Variants in GPC5 observed in about 807,000 individuals in gnomAD.
GPC5 encodes the protein glypican-5.
Under a neutral mutation model 53.9 loss-of-function variants are expected in GPC5, and 47 were observed. That is an observed-to-expected ratio of 0.87 (90% CI 0.69 to 1.11). The LOEUF (loss-of-function observed/expected upper bound fraction) is 1.11. Among genes scored for constraint, GPC5 ranks in the 50% most tolerant of loss-of-function variants. The pLI, the probability that GPC5 is intolerant of heterozygous loss-of-function variation, is 0.00. For synonymous variants in GPC5, 286 were observed against 263.3 expected, an observed-to-expected ratio of 1.09 and a Z score of -0.84; for missense variants, 748 against 713.1, an observed-to-expected ratio of 1.05 and a Z score of -0.56.
At chr13:92,412,335 C>A (rs1300396501) in intron 7 of GPC5, among the ~76,000 whole-genome samples, 5 of 152,092 alleles carry the variant, frequency 3.3e-5, no homozygotes, top group African/African-American at 1.2e-4. Flanking sequence ...GTAAAACAGA[C>A]AACCCTATGC....
rs189195907 is a variant in GPC5 at position 91,656,169 on chromosome 13, A to G, written c.326-37018A>G. On this transcript the variant is annotated intron_variant, in intron 2 of 7. Coordinates refer to ENST00000377067, the MANE Select transcript of GPC5 (RefSeq NM_004466.6). ...CTCTTTTTCCAAAAATAACAGAAAC[A>G]GAGGCAGCGTGGAGTAATTAAGGCA... Among the ~76,000 whole-genome samples the G allele has an allele frequency of 3.2e-3, 483 of 152,304 alleles. 2 individuals are homozygous for G. The highest frequency in any genetic ancestry group is 0.011 in the African/African-American group (460 of 41,576).
intron 3 of GPC5, among the ~76,000 whole-genome samples, chr13:91,704,184 G>A (rs2036050082): frequency 6.6e-6 from 1 of 152,128 alleles, no homozygotes; most frequent in South Asian, 2.1e-4. Context: ...AATGTTGGGT[G>A]CATACATATT....
chr13:91,794,388 A>C (rs2038016036), intron 5 of GPC5, among the ~76,000 whole-genome samples: 1 of 152,064 alleles, frequency 6.6e-6, no homozygotes, highest in Non-Finnish European at 1.5e-5. Context: ...TTGTGCCTTC[A>C]CTGTCAACAG....
chr13:92,805,647 A>G (rs1029167717), intron 7 of GPC5, among the ~76,000 whole-genome samples: 2 of 151,644 alleles, frequency 1.3e-5, no homozygotes, highest in Admixed American at 6.6e-5. Flanking sequence ...TTTGTTTCCT[A>G]TGTTGCTCTC....
intron 7 of GPC5, among the ~76,000 whole-genome samples, chr13:92,552,035 A>G (rs1026495386): frequency 3.3e-5 from 5 of 151,932 alleles, no homozygotes; most frequent in Non-Finnish European, 7.4e-5. Context: ...AAAATGAGAA[A>G]TCTCCAAAAA....
chr13:91,706,404 C>T (rs373212032), intron 3 of GPC5, among the ~76,000 whole-genome samples: 38 of 152,010 alleles, frequency 2.5e-4, no homozygotes, highest in Non-Finnish European at 4.7e-4. Context: ...TTAATATTGC[C>T]GTGCTTCTTC....
intron 1 of GPC5, among the ~76,000 whole-genome samples, chr13:91,445,052 C>T (rs773555560): frequency 3.9e-5 from 6 of 152,132 alleles, no homozygotes; most frequent in South Asian, 4.1e-4. Flanking sequence ...GTTTGAGTTG[C>T]GATGGCAAAA....
rs186458941 is a variant in GPC5 at position 91,919,382 on chromosome 13, G to A, written c.1401+11325G>A. 5.8e-4 allele frequency among the ~76,000 whole-genome samples: 88 copies of A among 152,226 alleles called. 1 individual carries two copies. Among genetic ancestry groups the A allele is most frequent in the African/African-American group, 1.9e-3 (79 of 41,528 alleles). ...CCACACATTGCTGTCAAATACTATT[G>A]CCAAAGTAAAGTCACTAGTTATCAT... On this transcript the variant is annotated intron_variant, in intron 6 of 7. Coordinates refer to ENST00000377067, the MANE Select transcript of GPC5 (RefSeq NM_004466.6).
chr13:92,716,123 A>T (rs1888320646), intron 7 of GPC5, among the ~76,000 whole-genome samples: 1 of 152,162 alleles, frequency 6.6e-6, no homozygotes, highest in Non-Finnish European at 1.5e-5. Flanking sequence ...GCAAGAGTCA[A>T]TCATTCCATC....
At chr13:92,783,421 T>A (rs544564225) in intron 7 of GPC5, among the ~76,000 whole-genome samples, 1 of 152,352 alleles carries the variant, frequency 6.6e-6, no homozygotes, top group East Asian at 1.9e-4. Context: ...TCCAGTGACC[T>A]AGGGATGGTC....
At chr13:92,281,058 G>A (rs2042911494) in intron 7 of GPC5, among the ~76,000 whole-genome samples, 1 of 152,208 alleles carries the variant, frequency 6.6e-6, no homozygotes, top group African/African-American at 2.4e-5. Context: ...CTAATACTGC[G>A]CTTTTCCAAT....
intron 7 of GPC5, among the ~76,000 whole-genome samples, chr13:92,555,786 ATAT>A (rs1253226920): frequency 2.7e-5 from 4 of 150,084 alleles, no homozygotes; most frequent in Non-Finnish European, 5.9e-5. Flanking sequence ...TTTAAAATAT[ATAT>A]TACATATATA....
intron 5 of GPC5, among the ~76,000 whole-genome samples, chr13:91,766,229 C>T (rs966497069): frequency 3.3e-5 from 5 of 152,150 alleles, no homozygotes; most frequent in African/African-American, 9.7e-5. Flanking sequence ...AGCAAGAAAG[C>T]GAGTGGGAGC....
intron 3 of GPC5, among the ~76,000 whole-genome samples, chr13:91,696,424 AT>A (rs1179677079): frequency 6.6e-6 from 1 of 152,206 alleles, no homozygotes; most frequent in Non-Finnish European, 1.5e-5. Context: ...GAAGAAACTG[AT>A]TTTAAATTCC....
intron 2 of GPC5, among the ~76,000 whole-genome samples, chr13:91,477,172 C>A (rs1461002424): frequency 6.6e-6 from 1 of 151,742 alleles, no homozygotes; most frequent in Non-Finnish European, 1.5e-5. Flanking sequence ...ATATATATAT[C>A]TTTTGTAATA....
chr13:91,533,371 AT>A lies in GPC5; in HGVS notation c.325+84456del, dbSNP rs1320313794. On this transcript the variant is annotated intron_variant, in intron 2 of 7. Transcript: ENST00000377067. ...GACTGGAATTGTCATTAACAACTCT[AT>A]TTTTTTATTTTCTCTATGAATCACC... Among the ~76,000 whole-genome samples, 3 of 152,164 alleles carry A rather than the reference AT, an allele frequency of 2.0e-5. No homozygotes were observed. In the East Asian group the frequency reaches 5.8e-4, roughly 29 times the overall value.
At chr13:92,742,709 G>T (rs886344386) in intron 7 of GPC5, among the ~76,000 whole-genome samples, 61 of 152,122 alleles carry the variant, frequency 4.0e-4, no homozygotes, top group African/African-American at 1.4e-3. Context: ...GTTTTTATGG[G>T]TTTAGGTCTG....
intron 2 of GPC5, among the ~76,000 whole-genome samples, chr13:91,453,440 CAAAT>C (rs892221404): frequency 4.0e-5 from 6 of 151,740 alleles, no homozygotes; most frequent in African/African-American, 1.5e-4. Context: ...AATATGAAGA[CAAAT>C]AGATTTATAT....
chr13:92,265,758 T>C lies in GPC5; in HGVS notation c.1561+120769T>C, dbSNP rs2042798427. ...GTATTTGTTATAGCAGCGCCCCACT[T>C]CTCCAGTACCAATTTGTCTTAGTCC... On this transcript the variant is annotated intron_variant, in intron 7 of 7. Coordinates refer to ENST00000377067, the MANE Select transcript of GPC5 (RefSeq NM_004466.6). 2.0e-5 allele frequency among the ~76,000 whole-genome samples: 3 copies of C among 152,062 alleles called. No individual in the cohort carries two copies. The South Asian group carries it at 6.2e-4, about 32-fold the overall frequency.
Sources: allele counts gnomAD v4.1 joint callset (sites outside exome capture counted in the v4.1 genomes callset), GRCh38; gene constraint gnomAD v4.1.1; transcripts MANE v1.5; gene names NCBI Gene and HGNC (gene_info 2026-07-23, HGNC 2026-07-21).